The following ANKRD36C variants were observed in gnomAD, a reference collection of about 807,000 sequenced individuals.
The protein encoded by ANKRD36C is ankyrin repeat domain 36C, also known as ankyrin repeat domain-containing protein 36C.
In ANKRD36C, 61 loss-of-function variants were observed where a neutral mutation model predicts 276.4. That is an observed-to-expected ratio of 0.22 (90% CI 0.18 to 0.27). The LOEUF (loss-of-function observed/expected upper bound fraction) is 0.27. Ranked by LOEUF, ANKRD36C falls within the 10% of genes least tolerant of loss-of-function variation. The pLI is 1.00. For synonymous variants in ANKRD36C, 483 were observed against 680.1 expected, an observed-to-expected ratio of 0.71 and a Z score of 4.51; for missense variants, 1,447 against 2,032.3, an observed-to-expected ratio of 0.71 and a Z score of 5.54.
chr2:95,915,929 G>A, intron 38 of ANKRD36C, 51 bp downstream of exon 40: 1 of 1,533,194 alleles, frequency 6.5e-7, no homozygotes, highest in South Asian at 1.2e-5. Flanking sequence ...TCGGGGAAGA[G>A]AACTTCTTAT....
chr2:95,886,738 C>T (rs1354208091), intron 50 of ANKRD36C, among the ~76,000 whole-genome samples: 1 of 151,808 alleles, frequency 6.6e-6, no homozygotes, highest in African/African-American at 2.4e-5. Context: ...ATACACTTCA[C>T]ATCTCTTAAG....
chr2:95,989,063 G>A (rs1250819531), intron 1 of ANKRD36C, among the ~76,000 whole-genome samples: 1 of 152,156 alleles, frequency 6.6e-6, no homozygotes, highest in African/African-American at 2.4e-5. Flanking sequence ...CAGCTACTCA[G>A]GAGGCTGAGG....
chr2:95,911,854 G>C (rs1417242200), intron 42 of ANKRD36C, among the ~76,000 whole-genome samples: 5 of 151,402 alleles, frequency 3.3e-5, no homozygotes, highest in Non-Finnish European at 5.9e-5. Context: ...CAGTGTCTAT[G>C]GGTTATTATG....
chr2:95,892,766 T>C (rs918841106), intron 44 of ANKRD36C, among the ~76,000 whole-genome samples: 2 of 151,284 alleles, frequency 1.3e-5, no homozygotes, highest in Non-Finnish European at 3.0e-5. Flanking sequence ...ATAGCTATTG[T>C]ATCCAAGAGG....
chr2:95,960,392 C>G, intron 10 of ANKRD36C, 81 bp downstream of exon 10: 1 of 1,491,670 alleles, frequency 6.7e-7, no homozygotes, highest in Non-Finnish European at 9.1e-7. Flanking sequence ...CTTCAATGAG[C>G]CCCCTGCTGA....
At chr2:95,953,199 C>T (rs1178802071) in intron 14 of ANKRD36C, among the ~76,000 whole-genome samples, 2 of 152,048 alleles carry the variant, frequency 1.3e-5, no homozygotes, top group Non-Finnish European at 2.9e-5. Context: ...CTCTCTAATA[C>T]AGATTTGAGC....
chr2:95,890,555 T>A (rs1340974238), intron 46 of ANKRD36C, among the ~76,000 whole-genome samples: 1 of 151,554 alleles, frequency 6.6e-6, no homozygotes, highest in Non-Finnish European at 1.5e-5. Flanking sequence ...TAGATAATAT[T>A]CATTACCTCT....
In ANKRD36C at chr2:95,914,209, G is replaced by C. The variant is rs375329602; in HGVS notation, c.2479-29C>G. The C allele has an allele frequency of 1.1e-5, 17 of 1,568,714 alleles. No individual in the cohort carries two copies. In the African/African-American group the frequency reaches 1.4e-4, roughly 13 times the overall value. ...AATGGAATTTGAAATGAAATAATAA[G>C]TTAATAAAGTATGTTTCATAGACTA... On this transcript the variant is annotated intron_variant, in intron 39 of 66. Coordinates refer to ENST00000456556, the Ensembl canonical transcript of ANKRD36C.
Position 95,882,283 on chromosome 2 carries a change from A to C in ANKRD36C, c.3367+19T>G. ...CTATCTTGAGTGCACATGACATTAA[A>C]TGTATATTGCTAAATTACCTGTTCC... On this transcript the variant is annotated intron_variant, in intron 56 of 66. Transcript: ENST00000456556. 6.5e-7 allele frequency: 1 copy of C among 1,548,574 alleles called. No individual in the cohort carries two copies.
In ANKRD36C at chr2:95,855,263, T is replaced by C. The variant is rs758704889; in HGVS notation, c.4995+3A>G. 3 of 1,567,322 alleles carry C rather than the reference T, an allele frequency of 1.9e-6. No homozygotes were observed. In the Admixed American group the frequency reaches 5.9e-5, roughly 31 times the overall value. On this transcript the variant is annotated splice_donor_region_variant and intron_variant, in intron 63 of 66. Transcript: ENST00000456556. Reference sequence around the variant, plus strand: ...AAAAATACTTATTTTTCTTGATACTTACTTCTCTTTCTGCTTTCTCTTTTT... The same window carrying C: ...AAAAATACTTATTTTTCTTGATACTCACTTCTCTTTCTGCTTTCTCTTTTT...
At chr2:95,849,414 T>A (rs1675239991), downstream of ANKRD36C, among the ~76,000 whole-genome samples, 1 of 152,208 alleles carries the variant, frequency 6.6e-6, no homozygotes. Flanking sequence ...ATTTTACTCA[T>A]TAGTAGATTC....
chr2:95,891,976 G>A (rs1676377107), intron 44 of ANKRD36C, 116 bp from the exon 65 acceptor site: 1 of 1,499,886 alleles, frequency 6.7e-7, no homozygotes, highest in Non-Finnish European at 9.1e-7. Context: ...CGTAGGCTTT[G>A]ATGGCTTCTA....
chr2:95,924,313 C>A (rs1478930214), intron 30 of ANKRD36C, among the ~76,000 whole-genome samples: 1 of 151,466 alleles, frequency 6.6e-6, no homozygotes, highest in South Asian at 2.1e-4. Flanking sequence ...TCTAGTTTAG[C>A]CTTCAGTAAT....
At chr2:95,961,740 C>A (rs1678465605) in intron 8 of ANKRD36C, among the ~76,000 whole-genome samples, 4 of 152,106 alleles carry the variant, frequency 2.6e-5, no homozygotes, top group Admixed American at 2.6e-4. Context: ...AGCAATCTAG[C>A]CTGCTTCCAG....
At chr2:95,916,009 T>C (rs201539941) in exon 38 of ANKRD36C, 7 of 1,560,330 alleles carry the variant, frequency 4.5e-6, no homozygotes, top group Non-Finnish European at 6.1e-6. Context: ...ATCCTTTTTT[T>C]CTCTGGTTAT....
chr2:95,895,752 A>G (rs961080930), intron 44 of ANKRD36C, among the ~76,000 whole-genome samples, 162 bp from the exon 61 acceptor site: 1 of 151,066 alleles, frequency 6.6e-6, no homozygotes, highest in Non-Finnish European at 1.5e-5. Context: ...ACAGAAATAC[A>G]CTGAAAAAAG....
Position 95,903,208 on chromosome 2 carries a change from C to A in ANKRD36C, c.2654-3872G>T. 2.1e-6 allele frequency: 3 copies of A among 1,453,850 alleles called. No individual in the cohort carries two copies. In the South Asian group the frequency reaches 3.7e-5, roughly 18 times the overall value. The allele number at this position is 1,453,850 out of a possible 1,614,324, so 90.1% of individuals were successfully genotyped here. A position where few individuals can be genotyped will look rare whatever the true frequency, so the allele number is the denominator to read the frequency against. On this transcript the variant is annotated intron_variant, in intron 42 of 66. Coordinates refer to ENST00000456556, the Ensembl canonical transcript of ANKRD36C. The stretch of plus-strand genomic sequence containing the variant: ...TTAGCGTAGGCTTTGATGGCTTCTA[C>A]TTTGTGTCTGGGGACTAGAACATGA...
intron 46 of ANKRD36C, 28 bp downstream of exon 66, chr2:95,891,637 A>G (rs753218009): frequency 5.8e-6 from 9 of 1,543,082 alleles, no homozygotes; most frequent in Non-Finnish European, 7.9e-6. Context: ...TGCACTGAAC[A>G]TGACATTAAA....
chr2:95,987,197 T>C (rs546854548), exon 2 of ANKRD36C: 2 of 1,546,906 alleles, frequency 1.3e-6, no homozygotes, highest in Non-Finnish European at 1.7e-6. Flanking sequence ...AGGCCAAATG[T>C]AGGGCGGTCC....
Sources: gnomAD v4.1 joint callset for allele counts (sites outside exome capture counted in the v4.1 genomes callset) on GRCh38, gnomAD v4.1.1 for gene constraint, MANE v1.5 for transcripts, NCBI Gene and HGNC (gene_info 2026-07-23, HGNC 2026-07-21) for gene names.